OR56B1: variants seen among roughly 807,000 people sequenced by gnomAD.
OR56B1 encodes olfactory receptor family 56 subfamily B member 1.
Under a neutral mutation model 11.4 loss-of-function variants are expected in OR56B1, and 13 were observed. The ratio of observed to expected loss-of-function variants is 1.14; its 90% CI spans 0.74 to 1.81. The LOEUF is 1.81. OR56B1 is among the 40% of genes most tolerant of loss of function. OR56B1 has a pLI of 0.00. For missense variants in OR56B1, 434 were observed against 379.3 expected (o/e 1.14, Z -1.20); for synonymous variants, 158 against 143.6 (o/e 1.10, Z -0.72).
chr11:5,736,697 A>C lies in OR56B1; in HGVS notation c.181A>C (p.Asn61His), dbSNP rs1188846020. The change falls in exon 1 of 1, where the codon AAC becomes CAC. Residue 61 changes from asparagine to histidine, a missense_variant. Physicochemically the swap from Asn to His is moderately conservative, Grantham distance 68 (BLOSUM62 1). Transcript: ENST00000317121. ...NTLILIIIWQ[N>H]PSLQQPMYIF... ...CCTCATCCTCATCATCATCTGGCAG[A>C]ACCCTTCTTTACAGCAGCCCATGTA... 8 of 1,613,880 alleles carry C rather than the reference A, an allele frequency of 5.0e-6. No individual in the cohort carries two copies. In the South Asian group the frequency reaches 6.6e-5, roughly 13 times the overall value.
Position 5,737,496 on chromosome 11 carries a change from C to A in OR56B1, c.*5C>A, listed in dbSNP as rs764880618. 5 of 1,602,086 alleles carry A rather than the reference C, an allele frequency of 3.1e-6. No individual in the cohort carries two copies. In the South Asian group the frequency reaches 3.3e-5, roughly 11 times the overall value. ...ACAAAAGAAATAAGATCTTAGAGAC[C>A]TTCTCCATGATGTACATGAACCTCA... On this transcript the variant is annotated 3_prime_UTR_variant, in exon 1 of 1. Transcript: ENST00000317121.
rs141554683 is a variant in OR56B1 at position 5,736,739 on chromosome 11, C to T, written c.223C>T (p.Leu75Phe). 19 of 1,613,904 alleles carry T rather than the reference C, an allele frequency of 1.2e-5. No homozygotes were observed. The highest frequency in any genetic ancestry group is 7.6e-6 in the Non-Finnish European group (9 of 1,179,994). ...QQPMYIFLGI[L>F]CMVDMGLATT... ...GCCCATGTATATTTTCCTTGGCATC[C>T]TCTGTATGGTAGACATGGGTCTGGC... Residue 75 changes from leucine to phenylalanine, a missense_variant, in exon 1 of 1, where the codon CTC becomes TTC. Transcript: ENST00000317121.
rs568273124 is a variant in OR56B1, at chr11:5,737,414, T to C, written c.898T>C (p.Tyr300His). The C allele has an allele frequency of 2.5e-6, 4 of 1,614,096 alleles. No individual in the cohort carries two copies. In the East Asian group the frequency reaches 6.7e-5, roughly 27 times the overall value. Residue 300 changes from tyrosine (Y) to histidine (H), a missense_variant, in exon 1 of 1, where the codon TAT becomes CAT. Transcript: ENST00000317121. The stretch of plus-strand genomic sequence containing the variant: ...CCCCCCTTCCCTCAACCCTACAGTT[T>C]ATGCACTTCAGACCAAAGAACTTAG... ...IIPPSLNPTVYALQTKELRAA... is the reference protein window; with the variant it reads ...IIPPSLNPTVHALQTKELRAA...
At position 5,736,630 on chromosome 11, in the gene OR56B1, GC is replaced by G. The variant is rs764581206; in HGVS notation, c.118del (p.Leu40TrpfsTer39). 51 of 1,613,976 alleles carry G rather than the reference GC, an allele frequency of 3.2e-5. No individual in the cohort carries two copies. Among genetic ancestry groups the G allele is most frequent in the Non-Finnish European group, 4.3e-5 (51 of 1,179,980 alleles). ...ACAGCTGGCAACACTGGCTATCTCT[GC>G]CCCTGGCACTACTGTATCTCTCAGC... is the stretch of plus-strand genomic sequence containing the variant. ...IHSWQHWLSL[P>X]LALLYLSALA... On this transcript the variant is annotated frameshift_variant, in exon 1 of 1. Transcript: ENST00000317121. LOFTEE classifies it low-confidence loss of function (END_TRUNC).
Position 5,737,197 on chromosome 11 carries a change from T to C in OR56B1, c.681T>C (p.Tyr227=). Residue 227 remains tyrosine, a synonymous_variant, in exon 1 of 1, where the codon TAT becomes TAC. Coordinates refer to ENST00000317121, the MANE Select transcript of OR56B1 (RefSeq NM_001005180.3). ...GSDLSLIILS[Y]ILILYSVLRL... ...ATCTAAGTCTTATTATACTGTCATA[T>C]ATTTTGATTCTGTACTCTGTACTTA... is the stretch of plus-strand genomic sequence containing the variant. 1 of 1,614,100 alleles carries C rather than the reference T, an allele frequency of 6.2e-7. No homozygotes were observed. Among genetic ancestry groups the C allele is most frequent in the Non-Finnish European group, 8.5e-7 (1 of 1,179,996 alleles).
Position 5,737,168 on chromosome 11 carries a change from A to T in OR56B1, c.652A>T (p.Ser218Cys), listed in dbSNP as rs770731963. The T allele has an allele frequency of 9.3e-6, 15 of 1,613,846 alleles. No homozygotes were observed. The highest frequency in any genetic ancestry group is 1.3e-5 in the Non-Finnish European group (15 of 1,179,972). The change falls in exon 1 of 1, where the codon AGT becomes TGT. Residue 218 changes from serine (S) to cysteine (C), a missense_variant. Ser to Cys is a moderately radical substitution (Grantham distance 112, BLOSUM62 -1). Transcript: ENST00000317121. Reference sequence around the variant, plus strand: ...GGTTCTGGCATGGCTTGGAATGGGGAGTGATCTAAGTCTTATTATACTGTC... The same window carrying T: ...GGTTCTGGCATGGCTTGGAATGGGGTGTGATCTAAGTCTTATTATACTGTC... ...QLVLAWLGMG[S>C]DLSLIILSYI...
Position 5,737,699 on chromosome 11 carries a change from T to C in OR56B1, c.*208T>C, listed in dbSNP as rs1853947044. The C allele has an allele frequency of 1.1e-5, 5 of 446,404 alleles. No homozygotes were observed. Among genetic ancestry groups the C allele is most frequent in the East Asian group, 3.5e-5 (1 of 28,908 alleles). 27.7% of individuals were successfully genotyped at this position (446,404 alleles called of 1,614,324 possible). A position where few individuals can be genotyped will look rare whatever the true frequency, so the allele number is the denominator to read the frequency against. ...AAATATTTAAATATATTTGAGAATA[T>C]GGAAGAAATTTCTGCCAAATCAAAT... is the stretch of plus-strand genomic sequence containing the variant. On this transcript the variant is annotated 3_prime_UTR_variant, in exon 1 of 1. Transcript: ENST00000317121.
chr11:5,736,993 G>A lies in OR56B1; in HGVS notation c.477G>A (p.Leu159=). The change falls in exon 1 of 1, where the codon CTG becomes CTA. Residue 159 remains leucine, a synonymous_variant. Coordinates refer to ENST00000317121, the MANE Select transcript of OR56B1 (RefSeq NM_001005180.3). ...TAAAAGCTACCCTGTTCATGGTGCT[G>A]AGAAATGGCTTATTTGTCACTCCAG... ...LILKATLFMV[L]RNGLFVTPVP... is the part of the protein sequence containing the mutation. The A allele has an allele frequency of 6.2e-6, 10 of 1,614,120 alleles. No individual in the cohort carries two copies. The highest frequency in any genetic ancestry group is 8.5e-6 in the Non-Finnish European group (10 of 1,180,002).
Position 5,737,202 on chromosome 11 carries a change from T to C in OR56B1, c.686T>C (p.Leu229Ser). Reference sequence around the variant, plus strand: ...AGTCTTATTATACTGTCATATATTTTGATTCTGTACTCTGTACTTAGACTG... The same window carrying C: ...AGTCTTATTATACTGTCATATATTTCGATTCTGTACTCTGTACTTAGACTG... ...DLSLIILSYI[L>S]ILYSVLRLNS... The change falls in exon 1 of 1, where the codon TTG becomes TCG. Residue 229 changes from leucine to serine, a missense_variant. Transcript: ENST00000317121. The C allele has an allele frequency of 6.2e-7, 1 of 1,614,112 alleles. No individual in the cohort carries two copies. The highest frequency in any genetic ancestry group is 8.5e-7 in the Non-Finnish European group (1 of 1,179,986).
At position 5,737,693 on chromosome 11, in the gene OR56B1, A is replaced by G; in HGVS notation, c.*202A>G. The stretch of plus-strand genomic sequence containing the variant: ...AAAGCTAAATATTTAAATATATTTG[A>G]GAATATGGAAGAAATTTCTGCCAAA... On this transcript the variant is annotated 3_prime_UTR_variant, in exon 1 of 1. Transcript: ENST00000317121. 2.2e-6 allele frequency: 1 copy of G among 456,194 alleles called. No individual in the cohort carries two copies. Among genetic ancestry groups the G allele is most frequent in the East Asian group, 3.4e-5 (1 of 29,528 alleles). The allele number at this position is 456,194 out of a possible 1,614,324, so 28.3% of individuals were successfully genotyped here.
chr11:5,736,704 C>A lies in OR56B1; in HGVS notation c.188C>A (p.Ser63Tyr). The change falls in exon 1 of 1, where the codon TCT (serine) becomes TAT (tyrosine). Residue 63 changes from serine (S) to tyrosine (Y), a missense_variant. Ser to Tyr is a moderately radical substitution (Grantham distance 144). Transcript: ENST00000317121. Reference protein sequence around the residue: ...LILIIIWQNPSLQQPMYIFLG... With the variant: ...LILIIIWQNPYLQQPMYIFLG... ...CTCATCATCATCTGGCAGAACCCTT[C>A]TTTACAGCAGCCCATGTATATTTTC... 1 of 1,614,042 alleles carries A rather than the reference C, an allele frequency of 6.2e-7. No individual in the cohort carries two copies. The highest frequency in any genetic ancestry group is 8.5e-7 in the Non-Finnish European group (1 of 1,179,984).
chr11:5,737,903 G>C lies in OR56B1; in HGVS notation c.*412G>C, dbSNP rs911887747. The stretch of plus-strand genomic sequence containing the variant: ...CTGTAACTTGGGAGCTGTAACTTGG[G>C]AGCAAAGTCAGTCTGCCTAAACAAG... On this transcript the variant is annotated 3_prime_UTR_variant, in exon 1 of 1. Transcript: ENST00000317121. 6.1e-6 allele frequency: 1 copy of C among 162,660 alleles called. No homozygotes were observed. Among genetic ancestry groups the C allele is most frequent in the Non-Finnish European group, 1.4e-5 (1 of 73,854 alleles). The allele number at this position is 162,660 out of a possible 1,614,324, so 10.1% of individuals were successfully genotyped here. A position where few individuals can be genotyped will look rare whatever the true frequency, so the allele number is the denominator to read the frequency against.
chr11:5,737,093 G>A lies in OR56B1; in HGVS notation c.577G>A (p.Val193Ile), dbSNP rs375273446. ...ACACTGCCTGTGCTCTAACCTTGGGGTCACAAGCCTGGCTTGTGATGACAG... is the reference window on the plus strand; with the variant it reads ...ACACTGCCTGTGCTCTAACCTTGGGATCACAAGCCTGGCTTGTGATGACAG... Reference protein sequence around the residue: ...IEHCLCSNLGVTSLACDDRRP... With the variant: ...IEHCLCSNLGITSLACDDRRP... Residue 193 changes from valine (V) to isoleucine (I), a missense_variant, in exon 1 of 1, where the codon GTC becomes ATC. Coordinates refer to ENST00000317121, the MANE Select transcript of OR56B1 (RefSeq NM_001005180.3). 1.2e-6 allele frequency: 2 copies of A among 1,613,940 alleles called. No individual in the cohort carries two copies. The highest frequency in any genetic ancestry group is 2.7e-5 in the African/African-American group (2 of 74,930).
Position 5,737,213 on chromosome 11 carries a change from T to A in OR56B1, c.697T>A (p.Ser233Thr). The A allele has an allele frequency of 6.2e-7, 1 of 1,614,144 alleles. No individual in the cohort carries two copies. The highest frequency in any genetic ancestry group is 8.5e-7 in the Non-Finnish European group (1 of 1,179,986). The change falls in exon 1 of 1, where the codon TCT becomes ACT. Residue 233 changes from serine (S) to threonine (T), a missense_variant. Ser to Thr is a moderately conservative substitution (Grantham distance 58). Coordinates refer to ENST00000317121, the MANE Select transcript of OR56B1 (RefSeq NM_001005180.3). ...IILSYILILY[S>T]VLRLNSAEAA... is the part of the protein sequence containing the mutation. ...ACTGTCATATATTTTGATTCTGTAC[T>A]CTGTACTTAGACTGAACTCAGCTGA... is the stretch of plus-strand genomic sequence containing the variant.
chr11:5,737,075 C>T lies in OR56B1; in HGVS notation c.559C>T (p.Leu187=), dbSNP rs753209694. Residue 187 remains leucine (L), a synonymous_variant, in exon 1 of 1, where the codon CTG becomes TTG. Transcript: ENST00000317121. The part of the protein sequence containing the change: ...YCSKNEIEHC[L]CSNLGVTSLA... The stretch of plus-strand genomic sequence containing the variant: ...CTCCAAGAATGAAATTGAACACTGC[C>T]TGTGCTCTAACCTTGGGGTCACAAG... 1.5e-5 allele frequency: 25 copies of T among 1,613,980 alleles called. No individual in the cohort carries two copies. Among genetic ancestry groups the T allele is most frequent in the Non-Finnish European group, 2.0e-5 (24 of 1,180,028 alleles).
Position 5,737,209 on chromosome 11 carries a change from G to A in OR56B1, c.693G>A (p.Leu231=), listed in dbSNP as rs754209790. The change falls in exon 1 of 1, where the codon CTG becomes CTA. Residue 231 remains leucine, a synonymous_variant. Coordinates refer to ENST00000317121, the MANE Select transcript of OR56B1 (RefSeq NM_001005180.3). Reference sequence around the variant, plus strand: ...TTATACTGTCATATATTTTGATTCTGTACTCTGTACTTAGACTGAACTCAG... The same window carrying A: ...TTATACTGTCATATATTTTGATTCTATACTCTGTACTTAGACTGAACTCAG... ...SLIILSYILI[L]YSVLRLNSAE... 3 of 1,614,050 alleles carry A rather than the reference G, an allele frequency of 1.9e-6. No individual in the cohort carries two copies. Among genetic ancestry groups the A allele is most frequent in the South Asian group, 1.1e-5 (1 of 91,084 alleles).
chr11:5,737,002 C>T lies in OR56B1; in HGVS notation c.486C>T (p.Gly162=), dbSNP rs750364287. 6.2e-7 allele frequency: 1 copy of T among 1,614,000 alleles called. No homozygotes were observed. The highest frequency in any genetic ancestry group is 8.5e-7 in the Non-Finnish European group (1 of 1,180,014). The change falls in exon 1 of 1, where the codon GGC becomes GGT. Residue 162 remains glycine, a synonymous_variant. Coordinates refer to ENST00000317121, the MANE Select transcript of OR56B1 (RefSeq NM_001005180.3). ...KATLFMVLRN[G]LFVTPVPVLA... is the part of the protein sequence containing the mutation. Reference sequence around the variant, plus strand: ...CCCTGTTCATGGTGCTGAGAAATGGCTTATTTGTCACTCCAGTGCCTGTGC... The same window carrying T: ...CCCTGTTCATGGTGCTGAGAAATGGTTTATTTGTCACTCCAGTGCCTGTGC...
In OR56B1 at chr11:5,736,913, G is replaced by A. The variant is rs1853923253; in HGVS notation, c.397G>A (p.Val133Met). The A allele has an allele frequency of 1.9e-6, 3 of 1,613,896 alleles. No homozygotes were observed. Among genetic ancestry groups the A allele is most frequent in the African/African-American group, 1.3e-5 (1 of 74,924 alleles). Reference protein sequence around the residue: ...ILLCMAFDRYVAICHPLRYPS... With the variant: ...ILLCMAFDRYMAICHPLRYPS... ...ACTCTGCATGGCTTTTGATAGATAT[G>A]TGGCTATTTGTCACCCTCTTCGCTA... Residue 133 changes from valine (V) to methionine (M), a missense_variant, in exon 1 of 1, where the codon GTG becomes ATG. Coordinates refer to ENST00000317121, the MANE Select transcript of OR56B1 (RefSeq NM_001005180.3).
chr11:5,736,722 A>G lies in OR56B1; in HGVS notation c.206A>G (p.Tyr69Cys). The part of the protein sequence containing the change: ...WQNPSLQQPM[Y>C]IFLGILCMVD... ...AACCCTTCTTTACAGCAGCCCATGT[A>G]TATTTTCCTTGGCATCCTCTGTATG... Residue 69 changes from tyrosine (Y) to cysteine (C), a missense_variant, in exon 1 of 1, where the codon TAT becomes TGT. Transcript: ENST00000317121. The G allele has an allele frequency of 1.2e-6, 2 of 1,613,924 alleles. No individual in the cohort carries two copies. Among genetic ancestry groups the G allele is most frequent in the East Asian group, 2.2e-5 (1 of 44,832 alleles).
Sources: gnomAD v4.1 joint callset for allele counts on GRCh38, gnomAD v4.1.1 for gene constraint, MANE v1.5 for transcripts, NCBI Gene and HGNC (gene_info 2026-07-23, HGNC 2026-07-21) for gene names.